TMEM132D: variants seen among roughly 807,000 people sequenced by gnomAD.
The protein encoded by TMEM132D is mature OL transmembrane protein.
In TMEM132D, 21 loss-of-function variants were observed where a neutral mutation model predicts 62.3. The observed-to-expected ratio is 0.34, with a 90% confidence interval of 0.24 to 0.49. TMEM132D has a LOEUF of 0.49. Among genes scored for constraint, TMEM132D ranks in the 20% least tolerant of loss-of-function variants. The pLI is 0.99. For synonymous variants in TMEM132D, 621 were observed against 575.6 expected (o/e 1.08, Z -1.13); for missense variants, 1,346 against 1,402.8 (o/e 0.96, Z 0.65).
At chr12:129,447,080 C>T (rs1873120376) in intron 3 of TMEM132D, among the ~76,000 whole-genome samples, 2 of 152,144 alleles carry the variant, frequency 1.3e-5, no homozygotes, top group Admixed American at 1.3e-4. Flanking sequence ...TTCACCAGCC[C>T]AAACCAACCA....
At chr12:129,826,641 C>G (rs1345657235) in intron 1 of TMEM132D, among the ~76,000 whole-genome samples, 1 of 152,140 alleles carries the variant, frequency 6.6e-6, no homozygotes, top group East Asian at 1.9e-4. Context: ...ATCCCAATGC[C>G]CCACAGCGGA....
intron 3 of TMEM132D, among the ~76,000 whole-genome samples, chr12:129,353,801 A>G (rs968136987): frequency 2.0e-5 from 3 of 151,976 alleles, no homozygotes; most frequent in Admixed American, 6.6e-5. Context: ...AGGGCAATGA[A>G]AAAGGAAGCG....
chr12:129,770,161 T>TTTTA (rs1870693522), intron 1 of TMEM132D, among the ~76,000 whole-genome samples: 6 of 147,778 alleles, frequency 4.1e-5, no homozygotes, highest in African/African-American at 7.5e-5. Flanking sequence ...TTTTTTTTTT[T>TTTTA]GAGATCAGAT....
chr12:129,765,709 C>A (rs1870529677), intron 1 of TMEM132D, among the ~76,000 whole-genome samples: 1 of 152,152 alleles, frequency 6.6e-6, no homozygotes. Flanking sequence ...TCAATATCAC[C>A]CATCTATACT....
intron 3 of TMEM132D, among the ~76,000 whole-genome samples, chr12:129,451,542 T>C (rs952766059): frequency 7.2e-5 from 11 of 152,194 alleles, no homozygotes; most frequent in Admixed American, 5.2e-4. Context: ...AGTATGTGGA[T>C]ACTAAGCAAA....
rs756174657 is a variant in TMEM132D, at chr12:129,779,714, C to T, written c.80-79016G>A. Among the ~76,000 whole-genome samples the T allele has an allele frequency of 2.0e-5, 3 of 152,166 alleles. No individual in the cohort carries two copies. Among genetic ancestry groups the T allele is most frequent in the Non-Finnish European group, 4.4e-5 (3 of 68,036 alleles). On this transcript the variant is annotated intron_variant, in intron 1 of 8. Transcript: ENST00000422113. This position sits in a 1 kb window ranked among gnomAD's most constrained non-coding sequence, Gnocchi z 4.1. Reference sequence around the variant, plus strand: ...GCCCCACCCATTTTTAGACACAGCTCTTGTTCTGGCGAGTCTCATTACTTA... The same window carrying T: ...GCCCCACCCATTTTTAGACACAGCTTTTGTTCTGGCGAGTCTCATTACTTA...
At chr12:129,473,400 G>T (rs7971676) in intron 3 of TMEM132D, among the ~76,000 whole-genome samples, 108,045 of 144,246 alleles carry the variant, frequency 0.75, 40,346 homozygotes, top group Middle Eastern at 0.78. Flanking sequence ...CATGATCTCG[G>T]CTCACTGCAA....
At chr12:129,642,302 A>C (rs1879660781) in intron 2 of TMEM132D, among the ~76,000 whole-genome samples, 1 of 152,244 alleles carries the variant, frequency 6.6e-6, no homozygotes, top group South Asian at 2.1e-4. Flanking sequence ...ATCAAGGCCA[A>C]GGGCCCTGGC....
intron 5 of TMEM132D, among the ~76,000 whole-genome samples, chr12:129,178,289 T>A (rs1396000403): frequency 6.6e-6 from 1 of 152,220 alleles, no homozygotes; most frequent in Non-Finnish European, 1.5e-5. Flanking sequence ...ATATACTCAG[T>A]AATGGGATTG....
At chr12:129,651,687 T>G (rs1255343506) in intron 2 of TMEM132D, among the ~76,000 whole-genome samples, 3 of 152,130 alleles carry the variant, frequency 2.0e-5, no homozygotes, top group African/African-American at 7.2e-5. Context: ...TTATTCATAA[T>G]TAAGAAGCAA....
In TMEM132D at chr12:129,455,415, G is replaced by A. The variant is rs113490592; in HGVS notation, c.1115+75644C>T. Among the ~76,000 whole-genome samples, 277 of 152,338 alleles carry A rather than the reference G, an allele frequency of 1.8e-3. 2 individuals are homozygous for A. The highest frequency in any genetic ancestry group is 6.5e-3 in the African/African-American group (272 of 41,572). On this transcript the variant is annotated intron_variant, in intron 3 of 8. Coordinates refer to ENST00000422113, the MANE Select transcript of TMEM132D (RefSeq NM_133448.3). ...ATCGTGGTTTTGAACCAAATGAGAT[G>A]ATGTATGTAGGATGATAGAGTTACT...
At chr12:129,708,510 C>A (rs1277270306) in intron 1 of TMEM132D, among the ~76,000 whole-genome samples, 7 of 151,262 alleles carry the variant, frequency 4.6e-5, no homozygotes, top group African/African-American at 1.7e-4. Flanking sequence ...GTCTCCCTGA[C>A]CCCTGCCTAG....
chr12:129,675,836 A>G (rs1296691758), intron 2 of TMEM132D, among the ~76,000 whole-genome samples: 1 of 152,174 alleles, frequency 6.6e-6, no homozygotes, highest in Non-Finnish European at 1.5e-5. Flanking sequence ...CGAGGTTGAG[A>G]AGCCCTGTGC....
At chr12:129,481,542 G>A (rs1049976668) in intron 3 of TMEM132D, among the ~76,000 whole-genome samples, 1 of 139,484 alleles carries the variant, frequency 7.2e-6, no homozygotes, top group African/African-American at 2.6e-5. Flanking sequence ...ATTTACAGAA[G>A]AGGAAATGCA....
chr12:129,108,091 GATCCTTGCAAAAA>G (rs762628523), intron 5 of TMEM132D, among the ~76,000 whole-genome samples: 1 of 152,116 alleles, frequency 6.6e-6, no homozygotes, highest in Non-Finnish European at 1.5e-5. Flanking sequence ...AATATGCCTT[GATCCTTGCAAAAA>G]ATAATCACTC....
At chr12:129,469,346 C>T (rs1874023823) in intron 3 of TMEM132D, among the ~76,000 whole-genome samples, 1 of 152,158 alleles carries the variant, frequency 6.6e-6, no homozygotes, top group Non-Finnish European at 1.5e-5. Flanking sequence ...CTTTCTCAAG[C>T]TCTCAAGATG....
chr12:129,224,124 G>A (rs939753566), intron 4 of TMEM132D, among the ~76,000 whole-genome samples: 6 of 152,172 alleles, frequency 3.9e-5, no homozygotes, highest in Admixed American at 6.5e-5. Flanking sequence ...GCGGTGGGGC[G>A]AAGAATTGTC....
At chr12:129,215,005 C>T (rs1439553442) in intron 4 of TMEM132D, among the ~76,000 whole-genome samples, 1 of 152,160 alleles carries the variant, frequency 6.6e-6, no homozygotes, top group Non-Finnish European at 1.5e-5. Flanking sequence ...AAGACACAGG[C>T]ATGTGCATGT....
At chr12:129,520,587 A>G (rs1452449133) in intron 3 of TMEM132D, among the ~76,000 whole-genome samples, 1 of 141,800 alleles carries the variant, frequency 7.1e-6, no homozygotes, top group Non-Finnish European at 1.6e-5. Context: ...CACGATAAAT[A>G]TTGTGAAAAG....
Sources: gnomAD v4.1 joint callset for allele counts (sites outside exome capture counted in the v4.1 genomes callset) on GRCh38, gnomAD v4.1.1 for gene constraint, Gnocchi (gnomAD v3.1) non-coding constraint, MANE v1.5 for transcripts, NCBI Gene and HGNC (gene_info 2026-07-23, HGNC 2026-07-21) for gene names.